TARS1: variants seen among roughly 807,000 people sequenced by gnomAD.
TARS1 encodes the protein threonyl-tRNA synthetase 1, also known as threonine--tRNA ligase 1, cytoplasmic.
Under a neutral mutation model 97.7 loss-of-function variants are expected in TARS1, and 57 were observed. That is an observed-to-expected ratio of 0.58 (90% CI 0.47 to 0.73). The LOEUF is 0.73. Among genes scored for constraint, TARS1 ranks in the 30% least tolerant of loss-of-function variants. TARS1 has a pLI of 0.00. For missense variants in TARS1, 806 were observed against 888.3 expected, an observed-to-expected ratio of 0.91 and a Z score of 1.18; for synonymous variants, 312 against 293.7, an observed-to-expected ratio of 1.06 and a Z score of -0.64.
chr5:33,461,612 TA>T (rs1742295101), intron 13 of TARS1, 54 bp from the exon 14 acceptor site: 1 of 1,531,978 alleles, frequency 6.5e-7, no homozygotes, highest in Non-Finnish European at 9.0e-7. Flanking sequence ...CAAATTAGGC[TA>T]AAAGAAGGGA....
At chr5:33,454,102 T>C (rs1301847126) in intron 4 of TARS1, among the ~76,000 whole-genome samples, 30 of 152,206 alleles carry the variant, frequency 2.0e-4, no homozygotes, top group Non-Finnish European at 4.4e-5. Flanking sequence ...CTTTATTGGA[T>C]AATTTCTGTA....
intron 3 of TARS1, among the ~76,000 whole-genome samples, chr5:33,449,536 A>G (rs4421109): frequency 0.2 from 28,511 of 142,138 alleles, 3,529 homozygotes; most frequent in African/African-American, 0.36. Context: ...GCTCACTGCA[A>G]GCTCCACCTC....
Position 33,455,078 on chromosome 5 carries a change from A to G in TARS1, c.575+12A>G, listed in dbSNP as rs932017103. On this transcript the variant is annotated intron_variant, in intron 5 of 18. Coordinates refer to ENST00000265112, the MANE Select transcript of TARS1 (RefSeq NM_152295.5). ...TACCTCGAAGAAGGGTAAGCCATCA[A>G]CTAGATAAAGAAAACTGAAGTCAAT... 1.9e-6 allele frequency: 3 copies of G among 1,612,950 alleles called. No individual in the cohort carries two copies. Among genetic ancestry groups the G allele is most frequent in the African/African-American group, 2.7e-5 (2 of 74,850 alleles).
chr5:33,457,051 G>A (rs911395433), intron 8 of TARS1, among the ~76,000 whole-genome samples: 11 of 152,062 alleles, frequency 7.2e-5, no homozygotes, highest in African/African-American at 2.2e-4. Flanking sequence ...CTCTTGCCTC[G>A]GCTTCACAGA....
chr5:33,462,483 T>C (rs1274246999), intron 16 of TARS1, among the ~76,000 whole-genome samples: 1 of 152,254 alleles, frequency 6.6e-6, no homozygotes, highest in Non-Finnish European at 1.5e-5. Flanking sequence ...GTAAGAAGTA[T>C]ACTTACTGTT....
chr5:33,440,965 G>A lies in TARS1; in HGVS notation c.-122G>A, dbSNP rs952568484. On this transcript the variant is annotated 5_prime_UTR_variant, in exon 1 of 19. Transcript: ENST00000265112. ...TGGGGGCGGGGTTAGGGCGCCTTTC[G>A]ATTGCATCAGCTGGTCCAGCCGAGG... 6 of 1,244,436 alleles carry A rather than the reference G, an allele frequency of 4.8e-6. No homozygotes were observed. The African/African-American group carries it at 9.1e-5, about 19-fold the overall frequency. 77.1% of individuals were successfully genotyped at this position (1,244,436 alleles called of 1,614,324 possible). A position where few individuals can be genotyped will look rare whatever the true frequency, so the allele number is the denominator to read the frequency against.
At chr5:33,464,804 G>A (rs1297509555) in intron 17 of TARS1, among the ~76,000 whole-genome samples, 3 of 152,114 alleles carry the variant, frequency 2.0e-5, no homozygotes, top group Admixed American at 6.5e-5. Flanking sequence ...TGGGCCAGGC[G>A]TGGTGGCTCA....
chr5:33,444,512 C>T (rs1741311482), intron 1 of TARS1, among the ~76,000 whole-genome samples: 1 of 152,232 alleles, frequency 6.6e-6, no homozygotes, highest in Non-Finnish European at 1.5e-5. Context: ...TTAAAACTTT[C>T]TATGACTTCA....
intron 3 of TARS1, among the ~76,000 whole-genome samples, chr5:33,451,338 G>A (rs1396092933): frequency 1.3e-5 from 2 of 151,660 alleles, no homozygotes; most frequent in Non-Finnish European, 1.5e-5. Flanking sequence ...TTCCATTTGC[G>A]TCAAAAGGTT....
In TARS1 at chr5:33,457,297, C is replaced by T; in HGVS notation, c.878C>T (p.Thr293Ile). 1 of 1,614,060 alleles carries T rather than the reference C, an allele frequency of 6.2e-7. No individual in the cohort carries two copies. Among genetic ancestry groups the T allele is most frequent in the Non-Finnish European group, 8.5e-7 (1 of 1,179,968 alleles). The change falls in exon 9 of 19, where the codon ACT becomes ATT. Residue 293 changes from threonine (T) to isoleucine (I), a missense_variant. This residue lies in a region of TARS1 where 356 missense variants were observed against 357.8 expected (regional missense o/e 0.99). Coordinates refer to ENST00000265112, the MANE Select transcript of TARS1 (RefSeq NM_152295.5). The stretch of plus-strand genomic sequence containing the variant: ...TGGGAAGGCAAAGCAGATATGGAGA[C>T]TCTCCAGAGAATTTATGGCATTTCA... ...TYWEGKADMETLQRIYGISFP... is the reference protein window; with the variant it reads ...TYWEGKADMEILQRIYGISFP...
At chr5:33,451,770 A>G (rs1229706913) in intron 3 of TARS1, among the ~76,000 whole-genome samples, 1 of 152,242 alleles carries the variant, frequency 6.6e-6, no homozygotes, top group South Asian at 2.1e-4. Flanking sequence ...GAGTAACTCT[A>G]TTCTTAGAAT....
intron 3 of TARS1, among the ~76,000 whole-genome samples, chr5:33,450,226 G>C (rs1741665217): frequency 6.6e-6 from 1 of 152,132 alleles, no homozygotes; most frequent in Non-Finnish European, 1.5e-5. Flanking sequence ...TTATTTATAA[G>C]TGTTATGTAT....
At chr5:33,460,801 T>C in intron 11 of TARS1, 101 bp from the exon 12 acceptor site, 1 of 1,409,614 alleles carries the variant, frequency 7.1e-7, no homozygotes, top group Non-Finnish European at 9.6e-7. Flanking sequence ...GATGGACAGC[T>C]AGAATCAGTG....
chr5:33,455,351 G>T (rs1002517778), intron 5 of TARS1, among the ~76,000 whole-genome samples: 1 of 152,072 alleles, frequency 6.6e-6, no homozygotes, highest in Non-Finnish European at 1.5e-5. Context: ...TGCGGGAAGG[G>T]GTCACTAGTG....
rs1742014255 is a variant in TARS1 at position 33,456,241 on chromosome 5, C to CT, written c.837+17dup. 3 of 1,581,036 alleles carry CT rather than the reference C, an allele frequency of 1.9e-6. No homozygotes were observed. Among genetic ancestry groups the CT allele is most frequent in the Non-Finnish European group, 1.7e-6 (2 of 1,151,268 alleles). ...AAAATACACAAAGTAAGTAATGTAA[C>CT]TTTAAAGACTGTGAATGTATCTGTC... On this transcript the variant is annotated intron_variant, in intron 8 of 18. Transcript: ENST00000265112.
intron 1 of TARS1, among the ~76,000 whole-genome samples, chr5:33,442,300 A>G (rs1741142095): frequency 7.0e-6 from 1 of 142,326 alleles, no homozygotes; most frequent in Non-Finnish European, 1.5e-5. Context: ...ACATAAAATG[A>G]TATTTTTACT....
chr5:33,465,217 G>C (rs1007938345), intron 17 of TARS1, among the ~76,000 whole-genome samples: 4 of 152,182 alleles, frequency 2.6e-5, no homozygotes, highest in Non-Finnish European at 4.4e-5. Context: ...TTCCATGGTT[G>C]AGTGCACTTT....
upstream of TARS1, chr5:33,440,890 G>A (rs546945293): frequency 8.2e-5 from 50 of 613,462 alleles, no homozygotes; most frequent in South Asian, 9.5e-4. Context: ...TTAGAGGAGG[G>A]AGGGCCCGCC....
chr5:33,460,626 A>T (rs1742244892), intron 11 of TARS1, among the ~76,000 whole-genome samples: 1 of 152,232 alleles, frequency 6.6e-6, no homozygotes. Flanking sequence ...ATTATAGGCT[A>T]GGGGACCAAC....
Sources: allele counts gnomAD v4.1 joint callset (sites outside exome capture counted in the v4.1 genomes callset), GRCh38; gene constraint gnomAD v4.1.1; regional missense constraint gnomAD v4.1.1; transcripts MANE v1.5; gene names NCBI Gene and HGNC (gene_info 2026-07-23, HGNC 2026-07-21).